TMC1: variants seen among roughly 807,000 people sequenced by gnomAD.
TMC1 encodes the protein transmembrane channel-like protein 1.
TMC1 carries 84 observed loss-of-function variants against 105.8 expected under a neutral mutation model. The ratio of observed to expected loss-of-function variants is 0.79; its 90% CI spans 0.67 to 0.95. TMC1 has a LOEUF of 0.95. TMC1 is among the 40% of genes least tolerant of loss of function. TMC1 has a pLI of 0.00. For missense variants in TMC1, 817 were observed against 914.1 expected (o/e 0.89, Z 1.37); for synonymous variants, 315 against 311.5 (o/e 1.01, Z -0.12).
chr9:72,555,689 T>G (rs959447044), intron 1 of TMC1, among the ~76,000 whole-genome samples: 1 of 151,674 alleles, frequency 6.6e-6, no homozygotes, highest in African/African-American at 2.4e-5. Flanking sequence ...GGCGCAATCT[T>G]GGCTCACTGC....
intron 1 of TMC1, among the ~76,000 whole-genome samples, chr9:72,546,634 A>C (rs12346824): frequency 0.52 from 79,772 of 152,096 alleles, 21,873 homozygotes; most frequent in African/African-American, 0.69. Flanking sequence ...TTCAAGAAAA[A>C]ATTTTAAAAC....
intron 2 of TMC1, among the ~76,000 whole-genome samples, chr9:72,613,188 A>G (rs1470497663): frequency 1.3e-5 from 2 of 149,726 alleles, no homozygotes; most frequent in East Asian, 3.9e-4. Context: ...CTGGAGTGCA[A>G]TGGCGGGATC....
rs575651823 is a variant in TMC1 at position 72,735,290 on chromosome 9, T to A, written c.363-4829T>A. 1.2e-4 allele frequency among the ~76,000 whole-genome samples: 18 copies of A among 152,314 alleles called. No homozygotes were observed. The Middle Eastern group carries it at 0.01, about 86-fold the overall frequency. On this transcript the variant is annotated intron_variant, in intron 8 of 23. Transcript: ENST00000297784. ...TACACATTTGTTTCAGTCAGACATT[T>A]GGATGGTTTGAGGCCAACAGATATT...
At chr9:72,611,712 T>G (rs944734858) in intron 2 of TMC1, among the ~76,000 whole-genome samples, 1 of 152,148 alleles carries the variant, frequency 6.6e-6, no homozygotes, top group Non-Finnish European at 1.5e-5. Flanking sequence ...TGGGACTTTG[T>G]TTTTAGAAAG....
chr9:72,607,002 T>TATATATATAGAGAG (rs372785242), intron 2 of TMC1, among the ~76,000 whole-genome samples: 84 of 134,972 alleles, frequency 6.2e-4, no homozygotes, highest in African/African-American at 2.3e-3. Flanking sequence ...TATATATATA[T>TATATATATAGAGAG]AGAGAGAGAG....
intron 13 of TMC1, among the ~76,000 whole-genome samples, chr9:72,773,493 T>C (rs1827963393): frequency 6.6e-6 from 1 of 152,202 alleles, no homozygotes; most frequent in Non-Finnish European, 1.5e-5. Flanking sequence ...CCATATTTCA[T>C]TTTTAAGCTC....
intron 17 of TMC1, among the ~76,000 whole-genome samples, chr9:72,794,087 C>T (rs1440771846): frequency 6.6e-6 from 1 of 152,060 alleles, no homozygotes. Flanking sequence ...ACCCCCACCC[C>T]CCTCCTTGTC....
chr9:72,552,882 T>G (rs1014550224), intron 1 of TMC1, among the ~76,000 whole-genome samples: 5 of 152,214 alleles, frequency 3.3e-5, no homozygotes, highest in Admixed American at 3.3e-4. Context: ...TTTCTATATA[T>G]GATATTTATT....
chr9:72,836,330 C>A lies in TMC1; in HGVS notation c.*357C>A. The A allele has an allele frequency of 4.0e-6, 1 of 251,748 alleles. No individual in the cohort carries two copies. Among genetic ancestry groups the A allele is most frequent in the Non-Finnish European group, 7.6e-6 (1 of 131,280 alleles). 15.6% of individuals were successfully genotyped at this position (251,748 alleles called of 1,614,324 possible). ...AAAAAAATTTGCTCATATGAACTTTCATTTTATATGTTTCTTTTGCCTGAG... is the reference window on the plus strand; with the variant it reads ...AAAAAAATTTGCTCATATGAACTTTAATTTTATATGTTTCTTTTGCCTGAG... On this transcript the variant is annotated 3_prime_UTR_variant, in exon 24 of 24. Coordinates refer to ENST00000297784, the MANE Select transcript of TMC1 (RefSeq NM_138691.3).
intron 10 of TMC1, among the ~76,000 whole-genome samples, chr9:72,742,877 A>C (rs969634136): frequency 6.6e-6 from 1 of 152,254 alleles, no homozygotes; most frequent in South Asian, 2.1e-4. Flanking sequence ...AATGAACATG[A>C]CATTGAGAAT....
intron 8 of TMC1, among the ~76,000 whole-genome samples, chr9:72,706,110 C>A (rs1826733011): frequency 6.6e-6 from 1 of 152,200 alleles, no homozygotes; most frequent in South Asian, 2.1e-4. Context: ...AGAATGAATA[C>A]ATTTTTAGGA....
At chr9:72,760,525 T>C (rs543117868) in intron 12 of TMC1, among the ~76,000 whole-genome samples, 27 of 152,076 alleles carry the variant, frequency 1.8e-4, no homozygotes, top group African/African-American at 5.5e-4. Context: ...GAGTTTGGGG[T>C]GTGTGTGACC....
intron 9 of TMC1, among the ~76,000 whole-genome samples, chr9:72,740,781 G>A (rs1827376103): frequency 6.6e-6 from 1 of 152,110 alleles, no homozygotes; most frequent in Non-Finnish European, 1.5e-5. Context: ...CTTTACAAAT[G>A]TTATACCAAC....
At chr9:72,641,894 T>C (rs1210256295) in intron 4 of TMC1, among the ~76,000 whole-genome samples, 1 of 144,208 alleles carries the variant, frequency 6.9e-6, no homozygotes, top group African/African-American at 2.6e-5. Flanking sequence ...CTCGGCTCAC[T>C]GCACTCTCCA....
Position 72,836,272 on chromosome 9 carries a change from T to G in TMC1, c.*299T>G, listed in dbSNP as rs2118350935. On this transcript the variant is annotated 3_prime_UTR_variant, in exon 24 of 24. Coordinates refer to ENST00000297784, the MANE Select transcript of TMC1 (RefSeq NM_138691.3). ...TTTAGAAGTGAGTGTAATCCAGCAATACAGTTTACTGGTTTAGTTGGTGGG... is the reference window on the plus strand; with the variant it reads ...TTTAGAAGTGAGTGTAATCCAGCAAGACAGTTTACTGGTTTAGTTGGTGGG... The G allele has an allele frequency of 2.4e-6, 1 of 415,136 alleles. No homozygotes were observed. Among genetic ancestry groups the G allele is most frequent in the South Asian group, 4.2e-5 (1 of 24,064 alleles). 25.7% of individuals were successfully genotyped at this position (415,136 alleles called of 1,614,324 possible). A position where few individuals can be genotyped will look rare whatever the true frequency, so the allele number is the denominator to read the frequency against.
At chr9:72,668,689 G>A (rs1047059825) in intron 5 of TMC1, among the ~76,000 whole-genome samples, 6 of 152,100 alleles carry the variant, frequency 3.9e-5, no homozygotes, top group East Asian at 1.9e-4. Flanking sequence ...AGCCTCTATC[G>A]AAGAGAGCAC....
At position 72,788,843 on chromosome 9, in the gene TMC1, GT is replaced by G. The variant is rs1014858683; in HGVS notation, c.1030-270del. Among the ~76,000 whole-genome samples, 18 of 149,128 alleles carry G rather than the reference GT, an allele frequency of 1.2e-4. No individual in the cohort carries two copies. The South Asian group carries it at 1.9e-3, about 16-fold the overall frequency. On this transcript the variant is annotated intron_variant, in intron 14 of 23. Transcript: ENST00000297784. The stretch of plus-strand genomic sequence containing the variant: ...AGTGACCCTAAAACATTATTTTGTA[GT>G]TTTTTTTTTAATTCACTGGAATGAA...
intron 1 of TMC1, among the ~76,000 whole-genome samples, chr9:72,534,844 C>A (rs1488975752): frequency 6.6e-6 from 1 of 151,954 alleles, no homozygotes; most frequent in Non-Finnish European, 1.5e-5. Context: ...AGTCCAAAAC[C>A]CAATAATGTA....
chr9:72,781,725 A>G (rs1015707023), intron 13 of TMC1, among the ~76,000 whole-genome samples: 10 of 152,190 alleles, frequency 6.6e-5, no homozygotes, highest in Admixed American at 6.5e-5. Flanking sequence ...AAATGGATAA[A>G]TTCCTGAAAA....
Sources: gnomAD v4.1 joint callset for allele counts (sites outside exome capture counted in the v4.1 genomes callset) on GRCh38, gnomAD v4.1.1 for gene constraint, MANE v1.5 for transcripts, NCBI Gene and HGNC (gene_info 2026-07-23, HGNC 2026-07-21) for gene names.